Variants in TCF4 observed in about 807,000 individuals in gnomAD.
The protein encoded by TCF4 is transcription factor 4, also known as SL3-3 enhancer factor 2.
Under a neutral mutation model 82.1 loss-of-function variants are expected in TCF4, and 3 were observed. That is an observed-to-expected ratio of 0.04 (90% CI 0.02 to 0.09). The LOEUF (loss-of-function observed/expected upper bound fraction) is 0.09, where lower values mean the gene tolerates loss of function less well. Ranked by LOEUF, TCF4 falls within the 10% of genes least tolerant of loss-of-function variation. The probability of loss-of-function intolerance (pLI) is 1.00; values close to 1 mark genes in which losing one functional copy is unlikely to be tolerated. For missense variants in TCF4, 518 were observed against 852.7 expected (o/e 0.61, Z 4.89); for synonymous variants, 276 against 309.6 (o/e 0.89, Z 1.14).
intron 5 of TCF4, among the ~76,000 whole-genome samples, chr18:55,433,420 T>A (rs1203534008): frequency 6.6e-6 from 1 of 152,244 alleles, no homozygotes; most frequent in African/African-American, 2.4e-5. Flanking sequence ...GTATGGGCTT[T>A]AGCAATAAAC....
intron 6 of TCF4, chr18:55,401,454 C>T (rs984482325): frequency 5.0e-6 from 5 of 1,009,422 alleles, no homozygotes; most frequent in South Asian, 8.1e-5. Context: ...AGTCATAGTG[C>T]TATATACAAA....
intron 3 of TCF4, among the ~76,000 whole-genome samples, chr18:55,495,301 G>A (rs530980853): frequency 8.6e-4 from 128 of 147,980 alleles, no homozygotes; most frequent in African/African-American, 2.9e-3. Flanking sequence ...AATATAAGAA[G>A]GTATTTGGGA....
chr18:55,401,236 C>T (rs1272158885), intron 6 of TCF4: 1 of 1,189,446 alleles, frequency 8.4e-7, no homozygotes. Flanking sequence ...ATCTTCAGTC[C>T]CTATTTTCCC....
At chr18:55,288,705 C>T (rs954772821) in intron 8 of TCF4, among the ~76,000 whole-genome samples, 3 of 152,196 alleles carry the variant, frequency 2.0e-5, no homozygotes, top group Admixed American at 2.0e-4. Flanking sequence ...TTGTGTGTTA[C>T]TGCAAGAAGC....
intron 3 of TCF4, among the ~76,000 whole-genome samples, chr18:55,509,543 G>A (rs1466740606): frequency 6.6e-6 from 1 of 152,170 alleles, no homozygotes; most frequent in Non-Finnish European, 1.5e-5. Context: ...ATGGACTGTT[G>A]AAAGAATGAT....
At chr18:55,547,491 C>T (rs2097216767) in intron 3 of TCF4, among the ~76,000 whole-genome samples, 1 of 152,150 alleles carries the variant, frequency 6.6e-6, no homozygotes, top group Non-Finnish European at 1.5e-5. Flanking sequence ...CTCTGTAGCT[C>T]ACCACCTACA....
chr18:55,372,717 T>G (rs1401907929), intron 6 of TCF4, among the ~76,000 whole-genome samples: 3 of 152,068 alleles, frequency 2.0e-5, no homozygotes, highest in African/African-American at 7.2e-5. Context: ...GAAACGCTAG[T>G]AGACTCTATG....
rs978006973 is a variant in TCF4, at chr18:55,461,214, T to C, written c.208-99A>G. The C allele has an allele frequency of 2.3e-5, 22 of 977,264 alleles. 1 individual carries two copies. Among genetic ancestry groups the C allele is most frequent in the Middle Eastern group, 2.8e-4 (1 of 3,582 alleles). The allele number at this position is 977,264 out of a possible 1,614,324, so 60.5% of individuals were successfully genotyped here. On this transcript the variant is annotated intron_variant, in intron 4 of 19. Transcript: ENST00000354452. ...CCAAAACTTCTCCCCTCCAAAGAAA[T>C]TGGAGTCCACTATTCCCTCCCTGGA...
At chr18:55,537,202 T>C (rs2097124880) in intron 3 of TCF4, among the ~76,000 whole-genome samples, 1 of 151,804 alleles carries the variant, frequency 6.6e-6, no homozygotes, top group Non-Finnish European at 1.5e-5. Context: ...AGCCAACTAT[T>C]ATTTCACCAA....
intron 3 of TCF4, among the ~76,000 whole-genome samples, chr18:55,572,257 G>A (rs1251250598): frequency 6.6e-6 from 1 of 152,166 alleles, no homozygotes; most frequent in South Asian, 2.1e-4. Context: ...TAACTAGCTG[G>A]TGTAACCAAT....
chr18:55,584,682 T>C (rs2097617501), intron 3 of TCF4, among the ~76,000 whole-genome samples: 1 of 151,620 alleles, frequency 6.6e-6, no homozygotes, highest in Non-Finnish European at 1.5e-5. Context: ...CAACTTTAAA[T>C]ACAGTAAAAA....
chr18:55,429,462 T>G (rs2095107056), intron 5 of TCF4, among the ~76,000 whole-genome samples: 1 of 152,114 alleles, frequency 6.6e-6, no homozygotes, highest in African/African-American at 2.4e-5. Context: ...CCATGAGAAC[T>G]CCTAAAAAGC....
chr18:55,437,613 A>G (rs1211015707), intron 5 of TCF4, among the ~76,000 whole-genome samples: 1 of 152,228 alleles, frequency 6.6e-6, no homozygotes, highest in African/African-American at 2.4e-5. Flanking sequence ...AACAAAATTG[A>G]CAATTTTTTG....
rs1285542699 is a variant in TCF4 at position 55,567,112 on chromosome 18, C to T, written c.145+18168G>A. ...GCCACTCTGCATATTTAAAACATAG[C>T]AACATGGAATAACTGAAAACAAAAA... On this transcript the variant is annotated intron_variant, in intron 3 of 19. Transcript: ENST00000354452. Among the ~76,000 whole-genome samples, 4 of 151,946 alleles carry T rather than the reference C, an allele frequency of 2.6e-5. No individual in the cohort carries two copies. In the East Asian group the frequency reaches 5.8e-4, roughly 22 times the overall value.
At chr18:55,324,461 G>A (rs1462938878) in intron 8 of TCF4, among the ~76,000 whole-genome samples, 2 of 152,184 alleles carry the variant, frequency 1.3e-5, no homozygotes, top group African/African-American at 2.4e-5. Context: ...AGTGTGATGC[G>A]TGGGGAGTTA....
chr18:55,407,522 C>T (rs1305711339), intron 5 of TCF4, among the ~76,000 whole-genome samples: 3 of 151,898 alleles, frequency 2.0e-5, no homozygotes, highest in Admixed American at 6.6e-5. Context: ...CGAACCCGTC[C>T]GCTGCTAAAG....
chr18:55,469,492 C>T (rs921948349), intron 3 of TCF4: 2 of 152,110 alleles, frequency 1.3e-5, no homozygotes, highest in African/African-American at 4.8e-5. Context: ...AAGTATTTGA[C>T]AGATCAGTGC....
At chr18:55,535,253 A>G (rs1421248800) in intron 3 of TCF4, among the ~76,000 whole-genome samples, 1 of 152,216 alleles carries the variant, frequency 6.6e-6, no homozygotes, top group African/African-American at 2.4e-5. Flanking sequence ...TATTAAAGTC[A>G]TGAGTTAGCA....
intron 3 of TCF4, among the ~76,000 whole-genome samples, chr18:55,557,026 C>A (rs930809531): frequency 1.1e-4 from 16 of 152,178 alleles, no homozygotes; most frequent in Non-Finnish European, 1.5e-4. Context: ...TCCAAAAACA[C>A]CTCTGCTTTT....
Sources: allele counts gnomAD v4.1 joint callset (sites outside exome capture counted in the v4.1 genomes callset), GRCh38; gene constraint gnomAD v4.1.1; transcripts MANE v1.5; gene names NCBI Gene and HGNC (gene_info 2026-07-23, HGNC 2026-07-21).